The following WLS variants were observed in gnomAD, a reference collection of about 807,000 sequenced individuals.
WLS encodes protein wntless homolog.
A neutral mutation model predicts 62.8 loss-of-function variants in WLS; 23 were observed. That is an observed-to-expected ratio of 0.37 (90% CI 0.26 to 0.52). WLS has a LOEUF of 0.52. WLS is among the 20% of genes least tolerant of loss of function. WLS has a pLI of 0.92. For synonymous variants in WLS, 246 were observed against 244.1 expected (o/e 1.01, Z -0.07); for missense variants, 615 against 697.3 (o/e 0.88, Z 1.33).
At chr1:68,180,679 G>C (rs1442426830) in intron 2 of WLS, among the ~76,000 whole-genome samples, 1 of 152,146 alleles carries the variant, frequency 6.6e-6, no homozygotes, top group African/African-American at 2.4e-5. Flanking sequence ...CCAGAGCTCA[G>C]GGCCTTCACA....
At chr1:68,221,177 C>T (rs1649927232) in intron 1 of WLS, among the ~76,000 whole-genome samples, 1 of 152,172 alleles carries the variant, frequency 6.6e-6, no homozygotes, top group South Asian at 2.1e-4. Flanking sequence ...CCTGTTTGGG[C>T]ATGTTCAAAG....
chr1:68,106,092 G>A (rs1646139239), intron 11 of WLS, among the ~76,000 whole-genome samples: 1 of 152,164 alleles, frequency 6.6e-6, no homozygotes, highest in Non-Finnish European at 1.5e-5. Context: ...TTGGTGGGGA[G>A]TTAGGACTAG....
At chr1:68,202,523 C>T (rs1238854049) in intron 1 of WLS, 1 of 152,082 alleles carries the variant, frequency 6.6e-6, no homozygotes, top group Non-Finnish European at 1.5e-5. Context: ...TCCATCACTC[C>T]AGAAATACTC....
intron 11 of WLS, among the ~76,000 whole-genome samples, chr1:68,131,519 CAACCCCA>C (rs1307906519): frequency 6.6e-6 from 1 of 152,094 alleles, no homozygotes; most frequent in Non-Finnish European, 1.5e-5. Flanking sequence ...CGGTGCCTGT[CAACCCCA>C]GAGGTCATTT....
intron 1 of WLS, among the ~76,000 whole-genome samples, chr1:68,215,161 G>C (rs1256045109): frequency 6.6e-6 from 1 of 152,172 alleles, no homozygotes; most frequent in Non-Finnish European, 1.5e-5. Flanking sequence ...GGCAGATCCT[G>C]CTGCCAAAAC....
At chr1:68,110,151 G>A (rs1001385646) in intron 11 of WLS, among the ~76,000 whole-genome samples, 1 of 151,134 alleles carries the variant, frequency 6.6e-6, no homozygotes, top group Admixed American at 6.6e-5. Context: ...AAAAGTGAAG[G>A]TATAAATATG....
intron 11 of WLS, among the ~76,000 whole-genome samples, chr1:68,104,010 G>A (rs1646111921): frequency 6.6e-6 from 1 of 152,106 alleles, no homozygotes; most frequent in African/African-American, 2.4e-5. Flanking sequence ...CTCTGTCACA[G>A]GGCCCACACC....
intron 1 of WLS, among the ~76,000 whole-genome samples, chr1:68,204,901 G>A (rs1408137852): frequency 2.0e-5 from 3 of 152,152 alleles, no homozygotes; most frequent in Non-Finnish European, 4.4e-5. Context: ...CTCCTAAGGG[G>A]AAGGACTACA....
chr1:68,172,311 T>TTA (rs10692393), intron 2 of WLS, among the ~76,000 whole-genome samples: 40,708 of 148,030 alleles, frequency 0.27, 5,544 homozygotes, highest in Middle Eastern at 0.3. Flanking sequence ...AAAGTATAAT[T>TTA]AAAAAAAAAA....
intron 1 of WLS, among the ~76,000 whole-genome samples, chr1:68,214,123 T>C (rs1482220090): frequency 6.6e-6 from 1 of 151,722 alleles, no homozygotes; most frequent in Non-Finnish European, 1.5e-5. Context: ...CCTGGCCAAG[T>C]TCCAGGAATT....
chr1:68,161,906 G>A (rs1646981145), intron 2 of WLS: 3 of 1,609,942 alleles, frequency 1.9e-6, no homozygotes, highest in Non-Finnish European at 1.7e-6. Context: ...AGTCCTCCTG[G>A]AGCCACGCCC....
intron 11 of WLS, among the ~76,000 whole-genome samples, chr1:68,129,167 T>A (rs1169669517): frequency 6.6e-6 from 1 of 151,866 alleles, no homozygotes; most frequent in Non-Finnish European, 1.5e-5. Flanking sequence ...CTACTAAAAT[T>A]AAAAAAATTA....
At chr1:68,110,752 T>C (rs1646218591) in intron 11 of WLS, among the ~76,000 whole-genome samples, 1 of 151,530 alleles carries the variant, frequency 6.6e-6, no homozygotes, top group Non-Finnish European at 1.5e-5. Flanking sequence ...TGTGTGTATA[T>C]ATATATATAT....
Position 68,150,253 on chromosome 1 carries a change from G to A in WLS, c.907C>T (p.Arg303Ter), listed in dbSNP as rs763193261. The change falls in exon 6 of 12, where the codon CGA (arginine) becomes TGA (stop). Residue 303 changes from arginine to a stop codon, truncating the protein, a stop_gained. Transcript: ENST00000262348. LOFTEE classifies it high-confidence loss of function. ...AGCATCGCATAGAAGATGCCCTGTC[G>A]GATGTCACCAAACAGCAGCATCCAG... ...WTWMLLFGDI[R>*]QGIFYAMLLS... The A allele has an allele frequency of 1.5e-5, 24 of 1,614,136 alleles. No individual in the cohort carries two copies. Among genetic ancestry groups the A allele is most frequent in the South Asian group, 4.4e-5 (4 of 91,070 alleles).
At chr1:68,155,681 G>A (rs902469594) in intron 3 of WLS, among the ~76,000 whole-genome samples, 1 of 152,126 alleles carries the variant, frequency 6.6e-6, no homozygotes, top group African/African-American at 2.4e-5. Context: ...AAACGTTCAG[G>A]TGGAAGCTCT....
intron 2 of WLS, among the ~76,000 whole-genome samples, chr1:68,180,775 T>C (rs555307310): frequency 1.3e-5 from 2 of 152,280 alleles, no homozygotes; most frequent in Non-Finnish European, 2.9e-5. Context: ...TCTGCTGGAC[T>C]TTGTCACCCC....
In WLS at chr1:68,162,119, A is replaced by C. The variant is rs1192724569; in HGVS notation, c.380-2872T>G. On this transcript the variant is annotated intron_variant, in intron 2 of 11. Transcript: ENST00000262348. The stretch of plus-strand genomic sequence containing the variant: ...ATCTCCAGTGACGCCTGCTTGCTGT[A>C]CCAGGCAGTGTGAGGAGTGCAGATA... 8 of 1,546,038 alleles carry C rather than the reference A, an allele frequency of 5.2e-6. No homozygotes were observed. The Admixed American group carries it at 1.3e-4, about 26-fold the overall frequency.
At chr1:68,162,215 C>T in intron 2 of WLS, 1 of 1,454,772 alleles carries the variant, frequency 6.9e-7, no homozygotes, top group Non-Finnish European at 9.6e-7. Flanking sequence ...TAGAGGGCTG[C>T]CCCTCGTATC....
At chr1:68,118,245 A>C (rs1312132382) in intron 11 of WLS, among the ~76,000 whole-genome samples, 4 of 152,220 alleles carry the variant, frequency 2.6e-5, no homozygotes, top group Non-Finnish European at 5.9e-5. Context: ...CTGAACTGAC[A>C]ACCTAAAAAT....
Sources: allele counts gnomAD v4.1 joint callset (sites outside exome capture counted in the v4.1 genomes callset), GRCh38; gene constraint gnomAD v4.1.1; transcripts MANE v1.5; gene names NCBI Gene and HGNC (gene_info 2026-07-23, HGNC 2026-07-21).